Variants in SBF2 observed in about 807,000 individuals in gnomAD.
SBF2 encodes the protein myotubularin-related protein 13.
In SBF2, 112 loss-of-function variants were observed where a neutral mutation model predicts 225.2. The observed-to-expected ratio is 0.50, with a 90% CI of 0.43 to 0.58. SBF2 has a LOEUF of 0.58. Among genes scored for constraint, SBF2 ranks in the 20% least tolerant of loss-of-function variants. The probability of loss-of-function intolerance (pLI) is 0.00; values close to 1 mark genes in which losing one functional copy is unlikely to be tolerated. For missense variants in SBF2, 1,996 were observed against 2,206.2 expected (o/e 0.90, Z 1.91); for synonymous variants, 763 against 773.3 (o/e 0.99, Z 0.22).
chr11:9,808,055 C>A lies in SBF2; in HGVS notation c.4388G>T (p.Cys1463Phe). ...GACTGGAGCAAAACCACTCCCCTGA[C>A]AGTTGAGGGTCAAGCTGCTCCTCTG... ...FSQRSSLTLN[C>F]QGSGFAPVFL... The change falls in exon 32 of 40, where the codon TGT (cysteine) becomes TTT (phenylalanine). Residue 1463 changes from cysteine (C) to phenylalanine (F), a missense_variant. Cys to Phe is a radical substitution (Grantham distance 205). Coordinates refer to ENST00000256190, the MANE Select transcript of SBF2 (RefSeq NM_030962.4). 1 of 1,614,190 alleles carries A rather than the reference C, an allele frequency of 6.2e-7. No individual in the cohort carries two copies. The highest frequency in any genetic ancestry group is 8.5e-7 in the Non-Finnish European group (1 of 1,180,038).
intron 2 of SBF2, among the ~76,000 whole-genome samples, chr11:10,071,796 G>A (rs866401162): frequency 2.2e-4 from 34 of 152,140 alleles, no homozygotes; most frequent in African/African-American, 7.5e-4. Context: ...TATGGATTAC[G>A]TTTATTGATT....
intron 16 of SBF2, among the ~76,000 whole-genome samples, chr11:9,912,410 C>T (rs1022997416): frequency 3.3e-5 from 5 of 151,612 alleles, no homozygotes; most frequent in Non-Finnish European, 5.9e-5. Flanking sequence ...CATGGTGAAA[C>T]CCCATCTCTA....
intron 1 of SBF2, among the ~76,000 whole-genome samples, chr11:10,263,313 T>A (rs1961624007): frequency 6.6e-6 from 1 of 151,932 alleles, no homozygotes; most frequent in African/African-American, 2.4e-5. Flanking sequence ...GCTGGAAGTA[T>A]CAGATATAGT....
At chr11:10,035,781 T>G (rs1349863776) in intron 3 of SBF2, among the ~76,000 whole-genome samples, 1 of 152,174 alleles carries the variant, frequency 6.6e-6, no homozygotes, top group Non-Finnish European at 1.5e-5. Context: ...CTGGAGAGGA[T>G]GTGGAGAAAC....
At chr11:10,110,261 A>C (rs1952772837) in intron 2 of SBF2, among the ~76,000 whole-genome samples, 1 of 152,224 alleles carries the variant, frequency 6.6e-6, no homozygotes, top group South Asian at 2.1e-4. Context: ...TACTAAATTA[A>C]CCAAACTACA....
intron 6 of SBF2, among the ~76,000 whole-genome samples, chr11:10,026,266 C>A (rs1374428681): frequency 6.6e-6 from 1 of 152,162 alleles, no homozygotes; most frequent in Non-Finnish European, 1.5e-5. Flanking sequence ...TCATTTGTGT[C>A]ATATCCTTCT....
intron 2 of SBF2, among the ~76,000 whole-genome samples, chr11:10,052,581 T>C (rs1355370474): frequency 1.3e-5 from 2 of 152,336 alleles, no homozygotes; most frequent in East Asian, 1.9e-4. Context: ...TGTTAATGCA[T>C]TACAAACACC....
At chr11:9,896,540 C>A (rs1861271979) in intron 16 of SBF2, among the ~76,000 whole-genome samples, 1 of 151,976 alleles carries the variant, frequency 6.6e-6, no homozygotes, top group South Asian at 2.1e-4. Flanking sequence ...GCCTGTAATC[C>A]CAGCACTTTG....
chr11:9,886,045 A>G (rs1860270797), intron 17 of SBF2, among the ~76,000 whole-genome samples: 1 of 152,214 alleles, frequency 6.6e-6, no homozygotes, highest in Non-Finnish European at 1.5e-5. Flanking sequence ...GGGAGGTGTT[A>G]CAATCTTCTA....
intron 16 of SBF2, chr11:9,959,455 C>T (rs1231696852): frequency 1.6e-5 from 17 of 1,043,740 alleles, no homozygotes; most frequent in East Asian, 2.4e-5. Context: ...GTCCCTTATC[C>T]GTTTACAGGT....
intron 16 of SBF2, among the ~76,000 whole-genome samples, chr11:9,922,049 C>G (rs1303659322): frequency 6.6e-6 from 1 of 151,922 alleles, no homozygotes; most frequent in African/African-American, 2.4e-5. Flanking sequence ...CGTTTTAAGA[C>G]CAGCCTGGGC....
chr11:9,839,449 A>C, intron 26 of SBF2, 49 bp downstream of exon 26: 1 of 1,567,092 alleles, frequency 6.4e-7, no homozygotes, highest in Non-Finnish European at 8.8e-7. Flanking sequence ...AGATTCAAAT[A>C]AGAAGAAAGG....
chr11:10,279,985 C>A (rs1385323376), intron 1 of SBF2, among the ~76,000 whole-genome samples: 1 of 152,190 alleles, frequency 6.6e-6, no homozygotes, highest in Non-Finnish European at 1.5e-5. Flanking sequence ...TTATAGAACA[C>A]AGTTTTCAGT....
intron 2 of SBF2, among the ~76,000 whole-genome samples, chr11:10,087,757 T>C (rs1221102369): frequency 6.6e-6 from 1 of 152,244 alleles, no homozygotes; most frequent in Non-Finnish European, 1.5e-5. Flanking sequence ...TCACAAGTTA[T>C]ACTGTATCCT....
rs777674707 is a variant in SBF2, at chr11:10,031,187, T to G, written c.280-17A>C. 4 of 1,612,364 alleles carry G rather than the reference T, an allele frequency of 2.5e-6. No homozygotes were observed. Among genetic ancestry groups the G allele is most frequent in the Non-Finnish European group, 3.4e-6 (4 of 1,179,098 alleles). ...CTTTGTTCCCTAGAAAAAGAGACAC[T>G]GAAATCAACAAACAGAAGGGATTTC... On this transcript the variant is annotated splice_polypyrimidine_tract_variant and intron_variant, in intron 3 of 39. Transcript: ENST00000256190.
Position 10,280,796 on chromosome 11 carries a change from T to G in SBF2, c.55+13219A>C, listed in dbSNP as rs79952254. On this transcript the variant is annotated intron_variant, in intron 1 of 39. Coordinates refer to ENST00000256190, the MANE Select transcript of SBF2 (RefSeq NM_030962.4). ...AAACTTCTATTACAAGATTTGCCAC[T>G]CAATAGCTGTGTAACTACTCACAGG... 2.2e-3 allele frequency among the ~76,000 whole-genome samples: 334 copies of G among 148,688 alleles called. 5 individuals carry two copies. In the East Asian group the frequency reaches 0.033, roughly 15 times the overall value.
intron 1 of SBF2, among the ~76,000 whole-genome samples, chr11:10,228,912 CTCT>C (rs1286066874): frequency 2.0e-5 from 3 of 151,584 alleles, no homozygotes; most frequent in Admixed American, 6.6e-5. Context: ...CTCCTTGTAC[CTCT>C]GGTAGAATTC....
At chr11:9,917,417 C>T (rs556332969) in intron 16 of SBF2, among the ~76,000 whole-genome samples, 15 of 151,532 alleles carry the variant, frequency 9.9e-5, no homozygotes, top group Admixed American at 6.6e-4. Context: ...CTGCAACCTC[C>T]GCCTCCCGAG....
rs137929749 is a variant in SBF2 at position 10,252,895 on chromosome 11, C to T, written c.55+41120G>A. Among the ~76,000 whole-genome samples the T allele has an allele frequency of 1.6e-3, 250 of 151,928 alleles. 7 individuals carry two copies. The East Asian group carries it at 0.04, about 24-fold the overall frequency. On this transcript the variant is annotated intron_variant, in intron 1 of 39. Coordinates refer to ENST00000256190, the MANE Select transcript of SBF2 (RefSeq NM_030962.4). Reference sequence around the variant, plus strand: ...ACCAATCCAGCAGTTCTGTACCTCACTTCCGATTTCTCTATGTCATTTCCC... The same window carrying T: ...ACCAATCCAGCAGTTCTGTACCTCATTTCCGATTTCTCTATGTCATTTCCC...
Sources: allele counts gnomAD v4.1 joint callset (sites outside exome capture counted in the v4.1 genomes callset), GRCh38; gene constraint gnomAD v4.1.1; transcripts MANE v1.5; gene names NCBI Gene and HGNC (gene_info 2026-07-23, HGNC 2026-07-21).